ABLIM1: variants seen among roughly 807,000 people sequenced by gnomAD.
ABLIM1 encodes actin binding LIM protein 1.
In ABLIM1, 40 loss-of-function variants were observed where a neutral mutation model predicts 107.0. The observed-to-expected ratio is 0.37, with a 90% confidence interval of 0.29 to 0.49. The LOEUF is 0.49. Among genes scored for constraint, ABLIM1 ranks in the 20% least tolerant of loss-of-function variants. The pLI is 0.97. For synonymous variants in ABLIM1, 357 were observed against 357.3 expected (o/e 1.00, Z 0.01); for missense variants, 857 against 1,008.5 (o/e 0.85, Z 2.04).
chr10:114,679,946 C>T (rs1361766332), intron 1 of ABLIM1, among the ~76,000 whole-genome samples: 5 of 152,268 alleles, frequency 3.3e-5, no homozygotes, highest in South Asian at 2.1e-4. Flanking sequence ...TTTTGGGCAG[C>T]GGTCAAAGGG....
Position 114,619,734 on chromosome 10 carries a change from A to C in ABLIM1, c.245-17773T>G, listed in dbSNP as rs1164407222. Among the ~76,000 whole-genome samples, 1 of 152,214 alleles carries C rather than the reference A, an allele frequency of 6.6e-6. No individual in the cohort carries two copies. On this transcript the variant is annotated intron_variant, in intron 1 of 22. Transcript: ENST00000533213. This position sits in a 1 kb window ranked among gnomAD's most constrained non-coding sequence, Gnocchi z 4.1. ...AGACTCATAGGGAAAAGTGATCCCA[A>C]CTGAAAAAGCAATTCCAGAAATACC...
intron 6 of ABLIM1, among the ~76,000 whole-genome samples, chr10:114,522,240 C>A (rs188733400): frequency 5.3e-5 from 8 of 152,316 alleles, no homozygotes; most frequent in Non-Finnish European, 1.5e-5. Flanking sequence ...AAAACCCAGT[C>A]GAACACATGT....
chr10:114,747,515 A>C (rs556628925), intron 1 of ABLIM1, among the ~76,000 whole-genome samples: 1 of 152,356 alleles, frequency 6.6e-6, no homozygotes, highest in East Asian at 1.9e-4. Context: ...AGCTAATTCC[A>C]GAGGCAATGG....
chr10:114,572,072 T>A (rs1269858382), intron 3 of ABLIM1, among the ~76,000 whole-genome samples: 1 of 152,242 alleles, frequency 6.6e-6, no homozygotes, highest in East Asian at 1.9e-4. Flanking sequence ...TTTGCAAAAA[T>A]ATTGCCTTCT....
chr10:114,465,088 A>C (rs903292452), intron 12 of ABLIM1, among the ~76,000 whole-genome samples: 1 of 152,186 alleles, frequency 6.6e-6, no homozygotes, highest in African/African-American at 2.4e-5. Flanking sequence ...ATGTTTTCCA[A>C]GTCTGATTGA....
At chr10:114,541,522 A>C (rs1210228407) in intron 6 of ABLIM1, among the ~76,000 whole-genome samples, 1 of 151,926 alleles carries the variant, frequency 6.6e-6, no homozygotes, top group African/African-American at 2.4e-5. Context: ...TTGTGTTGGT[A>C]ACCAAGCCAA....
chr10:114,440,685 T>G (rs2060056747), intron 19 of ABLIM1, among the ~76,000 whole-genome samples: 1 of 152,146 alleles, frequency 6.6e-6, no homozygotes, highest in Non-Finnish European at 1.5e-5. Context: ...AGTCTAGAAC[T>G]CCTGGCTTCA....
intron 1 of ABLIM1, among the ~76,000 whole-genome samples, chr10:114,717,931 G>T (rs1201341599): frequency 7.0e-6 from 1 of 143,442 alleles, no homozygotes; most frequent in African/African-American, 2.6e-5. Context: ...AGAGAAGGGG[G>T]GGAAGGGGAG....
At chr10:114,740,976 T>C (rs1276392465) in intron 1 of ABLIM1, among the ~76,000 whole-genome samples, 2 of 150,466 alleles carry the variant, frequency 1.3e-5, no homozygotes, top group African/African-American at 4.9e-5. Flanking sequence ...GGGGTTGCAG[T>C]GAGCTGAGAT....
intron 4 of ABLIM1, among the ~76,000 whole-genome samples, chr10:114,553,663 AG>A (rs2068364043): frequency 6.6e-6 from 1 of 152,184 alleles, no homozygotes; most frequent in African/African-American, 2.4e-5. Context: ...ATGTTTACTA[AG>A]TGGGGAAACT....
At chr10:114,646,708 C>A (rs561233713) in intron 1 of ABLIM1, among the ~76,000 whole-genome samples, 4 of 152,162 alleles carry the variant, frequency 2.6e-5, no homozygotes, top group African/African-American at 9.7e-5. Context: ...AGGAGGTTGG[C>A]TGGGCTCAAC....
chr10:114,471,297 C>T (rs1410933618), intron 10 of ABLIM1, among the ~76,000 whole-genome samples: 3 of 152,176 alleles, frequency 2.0e-5, no homozygotes, highest in African/African-American at 7.2e-5. Context: ...CACACAGACA[C>T]GTACACTGCA....
chr10:114,450,933 A>G (rs1014442659), intron 14 of ABLIM1, among the ~76,000 whole-genome samples: 3 of 152,234 alleles, frequency 2.0e-5, no homozygotes, highest in African/African-American at 7.2e-5. Context: ...TGTGATTTAC[A>G]TAAAGTCATG....
At chr10:114,686,253 A>G (rs1488378872), upstream of ABLIM1, among the ~76,000 whole-genome samples, 1 of 152,146 alleles carries the variant, frequency 6.6e-6, no homozygotes, top group African/African-American at 2.4e-5. Flanking sequence ...TCATGCCTGT[A>G]ATCCCAGCAG....
chr10:114,644,323 ATATATATG>A (rs1216559517), intron 1 of ABLIM1, among the ~76,000 whole-genome samples: 12 of 124,628 alleles, frequency 9.6e-5, no homozygotes, highest in African/African-American at 4.5e-4. Context: ...ATATATATAT[ATATATATG>A]TGTATATATT....
intron 6 of ABLIM1, among the ~76,000 whole-genome samples, chr10:114,496,051 AG>A (rs1333150157): frequency 2.0e-5 from 3 of 152,228 alleles, no homozygotes; most frequent in East Asian, 3.8e-4. Flanking sequence ...CTCTGCTCAG[AG>A]ACAGTCCCAA....
In ABLIM1 at chr10:114,434,503, C is replaced by T. The variant is rs1342543742; in HGVS notation, c.*1757G>A. 3 of 152,160 alleles carry T rather than the reference C, an allele frequency of 2.0e-5. No individual in the cohort carries two copies. The highest frequency in any genetic ancestry group is 4.8e-5 in the African/African-American group (2 of 41,432). 9.4% of individuals were successfully genotyped at this position (152,160 alleles called of 1,614,324 possible). A position where few individuals can be genotyped will look rare whatever the true frequency, so the allele number is the denominator to read the frequency against. On this transcript the variant is annotated 3_prime_UTR_variant, in exon 23 of 23. Coordinates refer to ENST00000533213, the MANE Select transcript of ABLIM1 (RefSeq NM_002313.7). Reference sequence around the variant, plus strand: ...ACAGACTCAGAAACTATTCTACTTGCTTTTTTACCACTGGTGTCAGAGAGA... The same window carrying T: ...ACAGACTCAGAAACTATTCTACTTGTTTTTTTACCACTGGTGTCAGAGAGA...
At chr10:114,620,259 T>G (rs2077382801) in intron 1 of ABLIM1, among the ~76,000 whole-genome samples, 1 of 152,236 alleles carries the variant, frequency 6.6e-6, no homozygotes, top group South Asian at 2.1e-4. Flanking sequence ...TTCAGCCATT[T>G]ATATGCATGT....
intron 12 of ABLIM1, among the ~76,000 whole-genome samples, chr10:114,457,381 T>C (rs777865507): frequency 6.6e-5 from 10 of 152,264 alleles, no homozygotes; most frequent in Middle Eastern, 3.4e-3. Context: ...GCGATTCTCC[T>C]GCCTCAGCCT....
Sources: gnomAD v4.1 joint callset for allele counts (sites outside exome capture counted in the v4.1 genomes callset) on GRCh38, gnomAD v4.1.1 for gene constraint, Gnocchi (gnomAD v3.1) non-coding constraint, MANE v1.5 for transcripts, NCBI Gene and HGNC (gene_info 2026-07-23, HGNC 2026-07-21) for gene names.